ARHGAP6: variants seen among roughly 807,000 people sequenced by gnomAD.
ARHGAP6 encodes Rho GTPase activating protein 6.
In ARHGAP6, 16 loss-of-function variants were observed where a neutral mutation model predicts 55.7. The observed-to-expected ratio is 0.29, with a 90% CI of 0.19 to 0.44. The LOEUF (loss-of-function observed/expected upper bound fraction) is 0.44. Among genes scored for constraint, ARHGAP6 ranks in the 20% least tolerant of loss-of-function variants. The pLI, the probability that ARHGAP6 is intolerant of heterozygous loss-of-function variation, is 1.00. For synonymous variants in ARHGAP6, 382 were observed against 360.9 expected (o/e 1.06, Z -0.66); for missense variants, 698 against 808.9 (o/e 0.86, Z 1.66).
At chrX:11,227,980 T>G (rs981039335) in intron 2 of ARHGAP6, among the ~76,000 whole-genome samples, 33 of 110,638 alleles carry the variant, frequency 3.0e-4, no homozygotes, top group Non-Finnish European at 3.0e-4. Flanking sequence ...GTGTACTCAT[T>G]TTTTACGTCT....
intron 1 of ARHGAP6, among the ~76,000 whole-genome samples, chrX:11,626,981 G>T (rs751228344): frequency 1.7e-4 from 19 of 111,647 alleles, no homozygotes; most frequent in African/African-American, 6.1e-4. Context: ...CAGCAAGGTT[G>T]TTTAATCAAG....
intron 1 of ARHGAP6, among the ~76,000 whole-genome samples, chrX:11,606,060 A>G (rs762415834): frequency 9.0e-6 from 1 of 111,663 alleles, no homozygotes; most frequent in Non-Finnish European, 1.9e-5. Flanking sequence ...AAATTATGCA[A>G]AGGCAGTTCG....
intron 1 of ARHGAP6, among the ~76,000 whole-genome samples, chrX:11,437,248 T>C (rs1364027588): frequency 8.9e-6 from 1 of 112,227 alleles, no homozygotes; most frequent in African/African-American, 3.2e-5. Flanking sequence ...GCAGTCTCAC[T>C]ATACGCCCTT....
chrX:11,304,168 C>A (rs1235424596), intron 1 of ARHGAP6, among the ~76,000 whole-genome samples: 2 of 110,351 alleles, frequency 1.8e-5, no homozygotes, highest in Non-Finnish European at 3.8e-5. Flanking sequence ...TGGCTCACTG[C>A]AACTTCCGCC....
chrX:11,570,441 A>G (rs2051499384), intron 1 of ARHGAP6, among the ~76,000 whole-genome samples: 1 of 111,697 alleles, frequency 9.0e-6, no homozygotes, highest in African/African-American at 3.3e-5. Flanking sequence ...GATAACAATA[A>G]TAATAATAAT....
chrX:11,493,072 G>C (rs1306522688), intron 1 of ARHGAP6, among the ~76,000 whole-genome samples: 1 of 111,772 alleles, frequency 8.9e-6, no homozygotes, highest in African/African-American at 3.3e-5. Flanking sequence ...ATACATGTTG[G>C]GCCACGATGC....
At chrX:11,241,573 T>TGTGTGCGC (rs1491462940) in intron 2 of ARHGAP6, among the ~76,000 whole-genome samples, 1 of 97,417 alleles carries the variant, frequency 1.0e-5, no homozygotes, top group Non-Finnish European at 2.1e-5. Flanking sequence ...TGTGTGTGTG[T>TGTGTGCGC]GCGCGTGTGT....
intron 1 of ARHGAP6, among the ~76,000 whole-genome samples, chrX:11,546,592 C>A (rs775406415): frequency 8.9e-6 from 1 of 111,750 alleles, no homozygotes; most frequent in Non-Finnish European, 1.9e-5. Flanking sequence ...TTGTCTTCTA[C>A]AATCACTCTT....
intron 1 of ARHGAP6, among the ~76,000 whole-genome samples, chrX:11,509,374 C>T (rs2050763350): frequency 1.8e-5 from 2 of 111,631 alleles, no homozygotes; most frequent in South Asian, 7.5e-4. Flanking sequence ...CAATATACAG[C>T]CTATATATAG....
intron 1 of ARHGAP6, among the ~76,000 whole-genome samples, chrX:11,473,481 A>T (rs183876174): frequency 0.078 from 8,645 of 111,289 alleles, 396 homozygotes; most frequent in East Asian, 0.18. Flanking sequence ...CAGAAAAAGG[A>T]GGGGACACAT....
intron 1 of ARHGAP6, among the ~76,000 whole-genome samples, chrX:11,278,052 C>T: frequency 8.9e-6 from 1 of 111,887 alleles, no homozygotes; most frequent in South Asian, 3.7e-4. Flanking sequence ...GGGTCAAAAG[C>T]AGATGAACAA....
chrX:11,255,787 C>G (rs1225203536), intron 1 of ARHGAP6, among the ~76,000 whole-genome samples: 1 of 111,927 alleles, frequency 8.9e-6, no homozygotes, highest in East Asian at 2.8e-4. Context: ...AAAGTGTACT[C>G]ATGTGTACAC....
chrX:11,292,780 C>A (rs147768666), intron 1 of ARHGAP6, among the ~76,000 whole-genome samples: 3 of 112,091 alleles, frequency 2.7e-5, no homozygotes, highest in South Asian at 7.4e-4. Context: ...ATTGTTTTTA[C>A]GGTAGATGGG....
At chrX:11,305,347 A>T (rs927057554) in intron 1 of ARHGAP6, among the ~76,000 whole-genome samples, 1 of 112,503 alleles carries the variant, frequency 8.9e-6, no homozygotes, top group South Asian at 3.7e-4. Flanking sequence ...GTAAGAAAGC[A>T]TGTCCACCCT....
chrX:11,618,067 CAGAG>C (rs2052185535), intron 1 of ARHGAP6, among the ~76,000 whole-genome samples: 1 of 111,167 alleles, frequency 9.0e-6, no homozygotes. Flanking sequence ...GAAGCATTGT[CAGAG>C]AGAAAATAGA....
chrX:11,606,824 A>G (rs1204052821), intron 1 of ARHGAP6, among the ~76,000 whole-genome samples: 1 of 112,056 alleles, frequency 8.9e-6, no homozygotes, highest in Non-Finnish European at 1.9e-5. Flanking sequence ...GGGGTAATTT[A>G]AAAGCTTAAA....
chrX:11,295,642 A>G (rs1181858088), intron 1 of ARHGAP6, among the ~76,000 whole-genome samples: 2 of 110,662 alleles, frequency 1.8e-5, no homozygotes, highest in Non-Finnish European at 1.9e-5. Context: ...CTCACCCACA[A>G]AACCAAGATT....
At chrX:11,439,578 G>A (rs975973636) in intron 1 of ARHGAP6, among the ~76,000 whole-genome samples, 4 of 111,610 alleles carry the variant, frequency 3.6e-5, no homozygotes, top group Admixed American at 2.8e-4. Flanking sequence ...CCCTCCTGGA[G>A]TTTTATAAGC....
intron 1 of ARHGAP6, among the ~76,000 whole-genome samples, chrX:11,276,919 G>C (rs1168024759): frequency 9.0e-6 from 1 of 111,465 alleles, no homozygotes; most frequent in Non-Finnish European, 1.9e-5. Context: ...CCACTTTAAA[G>C]TGTATAGTTC....
Sources: gnomAD v4.1 joint callset for allele counts (sites outside exome capture counted in the v4.1 genomes callset) on GRCh38, gnomAD v4.1.1 for gene constraint, MANE v1.5 for transcripts, NCBI Gene and HGNC (gene_info 2026-07-23, HGNC 2026-07-21) for gene names.